The following ARHGEF33 variants were observed in gnomAD, a reference collection of about 807,000 sequenced individuals.
ARHGEF33 encodes the protein Rho guanine nucleotide exchange factor 33.
A neutral mutation model predicts 101.9 loss-of-function variants in ARHGEF33; 72 were observed. That is an observed-to-expected ratio of 0.71 (90% CI 0.58 to 0.86). The LOEUF is 0.86. ARHGEF33 is among the 40% of genes least tolerant of loss of function. The pLI is 0.00. For synonymous variants in ARHGEF33, 499 were observed against 442.5 expected (o/e 1.13, Z -1.60); for missense variants, 1,169 against 1,111.3 (o/e 1.05, Z -0.74).
chr2:38,918,197 G>A (rs1187401247), intron 2 of ARHGEF33, among the ~76,000 whole-genome samples: 1 of 152,220 alleles, frequency 6.6e-6, no homozygotes, highest in African/African-American at 2.4e-5. Context: ...GGAAAGCACT[G>A]AAAGCAGAAC....
At chr2:38,952,161 G>A (rs940991522) in intron 11 of ARHGEF33, among the ~76,000 whole-genome samples, 8 of 152,174 alleles carry the variant, frequency 5.3e-5, no homozygotes, top group African/African-American at 1.9e-4. Context: ...AATTAAAATT[G>A]GTCTGCAAGC....
chr2:38,935,697 C>T, intron 7 of ARHGEF33, 78 bp from the exon 8 acceptor site: 5 of 1,173,660 alleles, frequency 4.3e-6, no homozygotes, highest in Non-Finnish European at 6.1e-6. Context: ...GAGTCTGCCC[C>T]CAGTGCCAGG....
chr2:38,971,016 G>T (rs1174043323), intron 17 of ARHGEF33, among the ~76,000 whole-genome samples: 4 of 152,202 alleles, frequency 2.6e-5, no homozygotes, highest in Non-Finnish European at 5.9e-5. Flanking sequence ...CTGTTGCTTT[G>T]ATTACCAGGG....
At chr2:38,922,820 A>G (rs1417058632) in intron 4 of ARHGEF33, among the ~76,000 whole-genome samples, 2 of 152,192 alleles carry the variant, frequency 1.3e-5, no homozygotes, top group Non-Finnish European at 2.9e-5. Context: ...GATTTGAGCT[A>G]GGTACTTAAG....
At chr2:38,924,581 A>G (rs2124994733) in intron 4 of ARHGEF33, among the ~76,000 whole-genome samples, 1 of 152,308 alleles carries the variant, frequency 6.6e-6, no homozygotes, top group East Asian at 1.9e-4. Flanking sequence ...AGCCTTAGGA[A>G]TGTAAACAGT....
chr2:38,967,986 A>G lies in ARHGEF33; in HGVS notation c.2483+1841A>G, dbSNP rs187738710. On this transcript the variant is annotated intron_variant, in intron 17 of 17. Coordinates refer to ENST00000409978, the MANE Select transcript of ARHGEF33 (RefSeq NM_001145451.5). ...TTTTAAACCACAGTATTCCCACAAC[A>G]AACAGCCATTTTTTGCCCACTGTCA... Among the ~76,000 whole-genome samples, 483 of 148,112 alleles carry G rather than the reference A, an allele frequency of 3.3e-3. 5 individuals are homozygous for G. The highest frequency in any genetic ancestry group is 5.1e-3 in the Non-Finnish European group (340 of 67,308).
intron 11 of ARHGEF33, among the ~76,000 whole-genome samples, chr2:38,952,926 T>G (rs776642273): frequency 6.6e-6 from 1 of 152,192 alleles, no homozygotes; most frequent in Non-Finnish European, 1.5e-5. Context: ...CTCGATCTCC[T>G]GAGCTCAGGC....
intron 2 of ARHGEF33, among the ~76,000 whole-genome samples, chr2:38,904,707 CAAAAA>C (rs34383703): frequency 7.8e-6 from 1 of 128,564 alleles, no homozygotes; most frequent in Admixed American, 8.1e-5. Context: ...GACTCTGTAT[CAAAAA>C]AAAAAAAAAA....
chr2:38,902,134 GAAAA>G (rs1156887244), intron 2 of ARHGEF33, among the ~76,000 whole-genome samples: 1 of 58,474 alleles, frequency 1.7e-5, no homozygotes, highest in African/African-American at 6.3e-5. Flanking sequence ...TCCATCTCAA[GAAAA>G]AAAAAAAAAA....
chr2:38,921,888 C>T (rs1481313238), intron 4 of ARHGEF33, among the ~76,000 whole-genome samples: 1 of 152,116 alleles, frequency 6.6e-6, no homozygotes, highest in South Asian at 2.1e-4. Flanking sequence ...GTTTTTCTTA[C>T]TTTTCTATTT....
chr2:38,954,015 A>G (rs535715359), intron 12 of ARHGEF33, among the ~76,000 whole-genome samples: 2 of 152,348 alleles, frequency 1.3e-5, no homozygotes, highest in South Asian at 4.1e-4. Context: ...AGAGCCTGTT[A>G]CTACACCATT....
intron 10 of ARHGEF33, 83 bp from the exon 11 acceptor site, chr2:38,950,906 A>T: frequency 1.5e-6 from 2 of 1,332,476 alleles, no homozygotes; most frequent in Admixed American, 5.2e-5. Flanking sequence ...GGCTGGGAGA[A>T]TGGGCCCTGC....
chr2:38,904,157 C>T (rs982804398), intron 2 of ARHGEF33, among the ~76,000 whole-genome samples: 2 of 152,062 alleles, frequency 1.3e-5, no homozygotes, highest in African/African-American at 4.8e-5. Flanking sequence ...GATAATTTCC[C>T]ATTGGATTGA....
intron 2 of ARHGEF33, among the ~76,000 whole-genome samples, chr2:38,896,056 A>G (rs1666115802): frequency 6.6e-6 from 1 of 152,230 alleles, no homozygotes; most frequent in South Asian, 2.1e-4. Context: ...CACCTTCTAA[A>G]CCAGCTATGT....
At position 38,953,420 on chromosome 2, in the gene ARHGEF33, C is replaced by T. The variant is rs570702779; in HGVS notation, c.1137+175C>T. 3.4e-4 allele frequency among the ~76,000 whole-genome samples: 52 copies of T among 152,278 alleles called. No homozygotes were observed. The South Asian group carries it at 0.011, about 32-fold the overall frequency. On this transcript the variant is annotated intron_variant, in intron 12 of 17. Transcript: ENST00000409978. ...AAGGAACTCACTTGAGGATCAGTGC[C>T]ATTGTGTTGGTCCTCTCCCTGCCTT...
intron 2 of ARHGEF33, among the ~76,000 whole-genome samples, chr2:38,896,478 T>C (rs1666125347): frequency 4.6e-5 from 7 of 152,216 alleles, no homozygotes; most frequent in Admixed American, 4.6e-4. Context: ...ATGTCTTTGA[T>C]GATTGTGAAA....
At chr2:38,966,521 A>G (rs1419909113) in intron 17 of ARHGEF33, among the ~76,000 whole-genome samples, 3 of 152,048 alleles carry the variant, frequency 2.0e-5, no homozygotes, top group African/African-American at 7.3e-5. Flanking sequence ...GCTCCATCAG[A>G]TCTCCCCATC....
chr2:38,944,439 A>G (rs1382134948), intron 10 of ARHGEF33, among the ~76,000 whole-genome samples: 1 of 152,166 alleles, frequency 6.6e-6, no homozygotes, highest in Admixed American at 6.5e-5. Context: ...ATCCATTCAT[A>G]GTGCGGAGCT....
chr2:38,954,554 T>C (rs1016425553), intron 13 of ARHGEF33, 98 bp downstream of exon 13: 30 of 727,652 alleles, frequency 4.1e-5, no homozygotes, highest in Non-Finnish European at 6.0e-5. Flanking sequence ...TCAAGAATCA[T>C]TAATATTTCT....
Sources: allele counts gnomAD v4.1 joint callset (sites outside exome capture counted in the v4.1 genomes callset), GRCh38; gene constraint gnomAD v4.1.1; transcripts MANE v1.5; gene names NCBI Gene and HGNC (gene_info 2026-07-23, HGNC 2026-07-21).